DCC: variants seen among roughly 807,000 people sequenced by gnomAD.
DCC encodes netrin receptor DCC.
In DCC, 58 loss-of-function variants were observed where a neutral mutation model predicts 172.5. The observed-to-expected ratio is 0.34, with a 90% CI of 0.27 to 0.42. DCC has a LOEUF of 0.42. Among genes scored for constraint, DCC ranks in the 10% least tolerant of loss-of-function variants. The probability of loss-of-function intolerance (pLI) is 1.00; values close to 1 mark genes in which losing one functional copy is unlikely to be tolerated. For missense variants in DCC, 1,740 were observed against 1,791.0 expected (o/e 0.97, Z 0.51); for synonymous variants, 709 against 644.5 (o/e 1.10, Z -1.52).
At chr18:52,906,861 T>A (rs34298310) in intron 3 of DCC, among the ~76,000 whole-genome samples, 122,007 of 151,546 alleles carry the variant, frequency 0.81, 49,682 homozygotes, top group Middle Eastern at 0.88. Flanking sequence ...GGCTGTTTTT[T>A]TTTACCAATA....
Position 53,446,124 on chromosome 18 carries a change from A to AAC in DCC, c.3230-4376_3230-4375insAC, listed in dbSNP as rs369426007. Reference sequence around the variant, plus strand: ...AAAAAAAAAAAAAAAACAAAAAAAAACACTTAAAAATTTTCCAGGGATGGT... The same window carrying AAC: ...AAAAAAAAAAAAAAAACAAAAAAAAAACCACTTAAAAATTTTCCAGGGATGGT... On this transcript the variant is annotated intron_variant, in intron 22 of 28. Coordinates refer to ENST00000442544, the MANE Select transcript of DCC (RefSeq NM_005215.4). 9.3e-4 allele frequency among the ~76,000 whole-genome samples: 109 copies of AAC among 117,240 alleles called. 1 individual carries two copies. Among genetic ancestry groups the AAC allele is most frequent in the African/African-American group, 1.4e-3 (49 of 35,180 alleles). The allele number at this position is 117,240 out of a possible 152,430, so 76.9% of individuals were successfully genotyped here. A position where few individuals can be genotyped will look rare whatever the true frequency, so the allele number is the denominator to read the frequency against.
At chr18:53,426,108 G>C (rs1239959252) in intron 21 of DCC, among the ~76,000 whole-genome samples, 1 of 151,032 alleles carries the variant, frequency 6.6e-6, no homozygotes, top group Non-Finnish European at 1.5e-5. Context: ...AGCTCCTTTG[G>C]TTCCCTAATT....
intron 14 of DCC, among the ~76,000 whole-genome samples, chr18:53,322,610 C>T (rs1286962208): frequency 6.6e-6 from 1 of 151,774 alleles, no homozygotes. Flanking sequence ...TTATCATTAC[C>T]TTTTCTTGGT....
intron 5 of DCC, among the ~76,000 whole-genome samples, chr18:52,957,091 G>C (rs1402556824): frequency 6.6e-6 from 1 of 152,112 alleles, no homozygotes; most frequent in Non-Finnish European, 1.5e-5. Flanking sequence ...TCGATAGAAA[G>C]AACAATCAAA....
chr18:52,633,242 A>G (rs910000915), intron 1 of DCC, among the ~76,000 whole-genome samples: 2 of 152,116 alleles, frequency 1.3e-5, no homozygotes, highest in Non-Finnish European at 2.9e-5. Context: ...GGATCCATTC[A>G]TTCTGTTTAT....
chr18:53,509,023 T>A (rs2046218343), intron 27 of DCC, among the ~76,000 whole-genome samples: 1 of 152,198 alleles, frequency 6.6e-6, no homozygotes, highest in Non-Finnish European at 1.5e-5. Flanking sequence ...TTCTCTCTCA[T>A]AAATACTGCA....
chr18:52,379,486 C>T (rs971417349), intron 1 of DCC, among the ~76,000 whole-genome samples: 1 of 152,174 alleles, frequency 6.6e-6, no homozygotes, highest in East Asian at 1.9e-4. Context: ...GTTCAACACT[C>T]TCCTCTCCAC....
chr18:52,620,974 A>T (rs1261905019), intron 1 of DCC, among the ~76,000 whole-genome samples: 2 of 152,130 alleles, frequency 1.3e-5, no homozygotes, highest in Non-Finnish European at 2.9e-5. Flanking sequence ...CTGTCTCCCA[A>T]CTCTTCATAT....
intron 12 of DCC, among the ~76,000 whole-genome samples, chr18:53,281,712 T>G (rs12958755): frequency 6.6e-6 from 1 of 151,252 alleles, no homozygotes; most frequent in Non-Finnish European, 1.5e-5. Flanking sequence ...GCAATTGGCC[T>G]AGGTGGAAGT....
chr18:53,175,933 C>T (rs2055085891), intron 8 of DCC, among the ~76,000 whole-genome samples: 1 of 152,150 alleles, frequency 6.6e-6, no homozygotes. Context: ...AACTATACCA[C>T]AAGGCTACAG....
chr18:53,095,776 A>G (rs1157429880), intron 7 of DCC, among the ~76,000 whole-genome samples: 2 of 142,920 alleles, frequency 1.4e-5, no homozygotes, highest in African/African-American at 2.6e-5. Context: ...ATTTCTAGGG[A>G]TTGGGATATG....
At chr18:53,003,277 A>G (rs1411151245) in intron 5 of DCC, among the ~76,000 whole-genome samples, 1 of 152,144 alleles carries the variant, frequency 6.6e-6, no homozygotes, top group African/African-American at 2.4e-5. Context: ...GGATTATTGA[A>G]GGCAAATCAT....
At chr18:52,911,800 A>G (rs970411165) in intron 3 of DCC, among the ~76,000 whole-genome samples, 1 of 151,830 alleles carries the variant, frequency 6.6e-6, no homozygotes, top group Non-Finnish European at 1.5e-5. Flanking sequence ...TTTGAAGAAA[A>G]CTTTCTCTTA....
chr18:53,043,834 TAAA>T (rs1302617682), intron 5 of DCC, among the ~76,000 whole-genome samples: 1 of 152,010 alleles, frequency 6.6e-6, no homozygotes, highest in African/African-American at 2.4e-5. Context: ...TGTGGATAAA[TAAA>T]AACCTAGCCC....
intron 7 of DCC, among the ~76,000 whole-genome samples, chr18:53,120,070 T>G (rs545208924): frequency 1.3e-5 from 2 of 151,988 alleles, no homozygotes; most frequent in African/African-American, 4.8e-5. Context: ...AGTGTACAAG[T>G]CATGGTATAT....
intron 15 of DCC, among the ~76,000 whole-genome samples, chr18:53,376,411 TAAAC>T (rs1054366643): frequency 1.1e-4 from 17 of 152,188 alleles, no homozygotes; most frequent in African/African-American, 2.6e-4. Context: ...TATTTAAAAA[TAAAC>T]AAACAAAAAG....
chr18:52,762,134 A>G (rs375706129), intron 2 of DCC, among the ~76,000 whole-genome samples: 20 of 152,176 alleles, frequency 1.3e-4, no homozygotes, highest in African/African-American at 4.6e-4. Flanking sequence ...TAGCATGTCT[A>G]CCTTCAGAAT....
intron 1 of DCC, among the ~76,000 whole-genome samples, chr18:52,497,541 C>T (rs1481963935): frequency 6.6e-6 from 1 of 151,684 alleles, no homozygotes; most frequent in Non-Finnish European, 1.5e-5. Flanking sequence ...TTGCAATTGC[C>T]AACACCTAAA....
chr18:53,312,735 G>T (rs2057289971), intron 13 of DCC, among the ~76,000 whole-genome samples: 1 of 149,090 alleles, frequency 6.7e-6, no homozygotes, highest in African/African-American at 2.5e-5. Flanking sequence ...CTTGAACCGG[G>T]GAGGCAGAGC....
Sources: allele counts gnomAD v4.1 joint callset (sites outside exome capture counted in the v4.1 genomes callset), GRCh38; gene constraint gnomAD v4.1.1; transcripts MANE v1.5; gene names NCBI Gene and HGNC (gene_info 2026-07-23, HGNC 2026-07-21).